HDAC4: variants seen among roughly 807,000 people sequenced by gnomAD.
HDAC4 encodes histone deacetylase 4, also known as histone deacetylase A.
A neutral mutation model predicts 135.1 loss-of-function variants in HDAC4; 16 were observed. The ratio of observed to expected loss-of-function variants is 0.12; its 90% CI spans 0.08 to 0.18. The LOEUF is 0.18. Among genes scored for constraint, HDAC4 ranks in the 10% least tolerant of loss-of-function variants. The pLI, the probability that HDAC4 is intolerant of heterozygous loss-of-function variation, is 1.00. For synonymous variants in HDAC4, 685 were observed against 653.4 expected (o/e 1.05, Z -0.74); for missense variants, 1,143 against 1,511.8 (o/e 0.76, Z 4.05).
intron 22 of HDAC4, among the ~76,000 whole-genome samples, chr2:239,075,980 A>T (rs938562946): frequency 2.1e-5 from 3 of 145,546 alleles, no homozygotes; most frequent in African/African-American, 7.9e-5. Flanking sequence ...GCTTCCTGGG[A>T]AACAGAGCTG....
intron 11 of HDAC4, among the ~76,000 whole-genome samples, chr2:239,132,046 G>A (rs998951131): frequency 3.3e-5 from 5 of 152,184 alleles, no homozygotes; most frequent in Non-Finnish European, 7.3e-5. Context: ...GGCGGGGCTG[G>A]GGGAGGGCCC....
intron 17 of HDAC4, among the ~76,000 whole-genome samples, chr2:239,092,050 G>C (rs534523619): frequency 6.6e-6 from 1 of 151,996 alleles, no homozygotes; most frequent in Non-Finnish European, 1.5e-5. Context: ...CAGCCTGGGC[G>C]ACAGAGCCAG....
At chr2:239,248,837 A>G (rs1036524590) in intron 2 of HDAC4, among the ~76,000 whole-genome samples, 2 of 152,156 alleles carry the variant, frequency 1.3e-5, no homozygotes, top group Non-Finnish European at 2.9e-5. Flanking sequence ...GCCTCTCCAC[A>G]CGGACTCATT....
rs936740055 is a variant in HDAC4, at chr2:239,050,815, T to C, written c.*2282A>G. The C allele has an allele frequency of 1.3e-5, 2 of 152,584 alleles. No individual in the cohort carries two copies. Among genetic ancestry groups the C allele is most frequent in the East Asian group, 3.9e-4 (2 of 5,190 alleles). 9.5% of individuals were successfully genotyped at this position (152,584 alleles called of 1,614,324 possible). On this transcript the variant is annotated 3_prime_UTR_variant, in exon 27 of 27. Coordinates refer to ENST00000543185, the MANE Select transcript of HDAC4 (RefSeq NM_001378414.1). ...ATAAGTTACCAGTAAAACGTGACTG[T>C]CAGTTACTGTTGAAGAGAAAAAGAG...
chr2:239,399,195 A>G (rs1002868397), intron 1 of HDAC4, among the ~76,000 whole-genome samples: 1 of 152,230 alleles, frequency 6.6e-6, no homozygotes, highest in East Asian at 1.9e-4. Context: ...CCTGAAAAAA[A>G]ATTAAATTTC....
chr2:239,393,313 T>C (rs1696355725), intron 1 of HDAC4, among the ~76,000 whole-genome samples: 1 of 152,106 alleles, frequency 6.6e-6, no homozygotes, highest in Admixed American at 6.5e-5. Context: ...AGAGATCAGG[T>C]CCATCACCCA....
chr2:239,085,306 GA>G (rs2035827227), intron 19 of HDAC4, among the ~76,000 whole-genome samples: 1 of 152,150 alleles, frequency 6.6e-6, no homozygotes, highest in African/African-American at 2.4e-5. Context: ...AACAAGCTAT[GA>G]AAGTGATTCA....
At position 239,313,166 on chromosome 2, in the gene HDAC4, C is replaced by T. The variant is rs1309121669; in HGVS notation, c.22+39512G>A. ...GGAAGCTGCAGCCCGTTATCCACCGCCCAGTCTCTCCCTCTCACCAGCACA... is the reference window on the plus strand; with the variant it reads ...GGAAGCTGCAGCCCGTTATCCACCGTCCAGTCTCTCCCTCTCACCAGCACA... On this transcript the variant is annotated intron_variant, in intron 2 of 26. Transcript: ENST00000543185. This position sits in a 1 kb window ranked among gnomAD's most constrained non-coding sequence, Gnocchi z 5.1. Among the ~76,000 whole-genome samples the T allele has an allele frequency of 6.6e-6, 1 of 152,210 alleles. No homozygotes were observed. The highest frequency in any genetic ancestry group is 2.4e-5 in the African/African-American group (1 of 41,450).
chr2:239,384,692 C>T (rs1004399779), intron 1 of HDAC4, among the ~76,000 whole-genome samples: 10 of 152,274 alleles, frequency 6.6e-5, no homozygotes, highest in East Asian at 3.9e-4. Context: ...GGGTCCTAGG[C>T]GGCAACAATG....
intron 3 of HDAC4, among the ~76,000 whole-genome samples, chr2:239,214,181 T>C (rs74000524): frequency 6.6e-6 from 1 of 152,206 alleles, no homozygotes; most frequent in East Asian, 1.9e-4. Context: ...GTGCTTCTTC[T>C]GCAGGCTCCA....
intron 24 of HDAC4, among the ~76,000 whole-genome samples, chr2:239,059,998 T>C (rs534206883): frequency 6.6e-4 from 100 of 152,328 alleles, no homozygotes; most frequent in African/African-American, 2.3e-3. Flanking sequence ...GACCGTGGAC[T>C]GTGCTGGGCA....
intron 1 of HDAC4, among the ~76,000 whole-genome samples, chr2:239,364,903 A>G (rs1694089650): frequency 1.3e-5 from 2 of 152,238 alleles, no homozygotes; most frequent in South Asian, 2.1e-4. Flanking sequence ...CAGAAACGGA[A>G]AAGAATTCTT....
chr2:239,143,897 A>G (rs2041576776), intron 8 of HDAC4, among the ~76,000 whole-genome samples: 5 of 152,234 alleles, frequency 3.3e-5, no homozygotes, highest in Admixed American at 3.3e-4. Flanking sequence ...ATGCCCAAGC[A>G]GCTCCTTTAT....
At position 239,090,020 on chromosome 2, in the gene HDAC4, C is replaced by G; in HGVS notation, c.2377G>C (p.Gly793Arg). 1 of 1,613,352 alleles carries G rather than the reference C, an allele frequency of 6.2e-7. No homozygotes were observed. Among genetic ancestry groups the G allele is most frequent in the Non-Finnish European group, 8.5e-7 (1 of 1,179,484 alleles). Reference protein sequence around the residue: ...VVELVFKVATGELKNGFAVVR... With the variant: ...VVELVFKVATRELKNGFAVVR... ...AGGCCCCGACTGACCTTCAGCTCCCCTGTGGCCACCTTGAAGACCAGCTCT... is the reference window on the plus strand; with the variant it reads ...AGGCCCCGACTGACCTTCAGCTCCCGTGTGGCCACCTTGAAGACCAGCTCT... Residue 793 changes from glycine to arginine, a missense_variant, in exon 18 of 27, where the codon GGG becomes CGG. Physicochemically the swap from Gly to Arg is moderately radical, Grantham distance 125. Around this residue, in one of 9 missense-constraint regions of HDAC4, gnomAD observed 189 missense variants for 317.6 expected, o/e 0.60. Transcript: ENST00000543185.
chr2:239,292,642 C>G (rs2051594719), intron 2 of HDAC4, among the ~76,000 whole-genome samples: 1 of 152,158 alleles, frequency 6.6e-6, no homozygotes, highest in Non-Finnish European at 1.5e-5. Context: ...AGTAATGGGT[C>G]AGGTCAAATA....
At position 239,055,109 on chromosome 2, in the gene HDAC4, T is replaced by C. The variant is rs191536882; in HGVS notation, c.3004-276A>G. 241 of 395,994 alleles carry C rather than the reference T, an allele frequency of 6.1e-4. 1 individual carries two copies. Among genetic ancestry groups the C allele is most frequent in the African/African-American group, 4.9e-3 (238 of 48,592 alleles). 24.5% of individuals were successfully genotyped at this position (395,994 alleles called of 1,614,324 possible). ...AGTCCCCAGGAGTGGGGCTGGCACC[T>C]GCACGTGAACTTGGTATCTGCCATC... On this transcript the variant is annotated intron_variant, in intron 24 of 26. Transcript: ENST00000543185.
At chr2:239,175,594 A>G (rs985028993) in intron 5 of HDAC4, among the ~76,000 whole-genome samples, 5 of 152,202 alleles carry the variant, frequency 3.3e-5, no homozygotes, top group African/African-American at 1.2e-4. Flanking sequence ...GCCCCCACAG[A>G]AGGCAAAATT....
chr2:239,284,475 G>A (rs2051018060), intron 2 of HDAC4, among the ~76,000 whole-genome samples: 1 of 152,216 alleles, frequency 6.6e-6, no homozygotes, highest in Non-Finnish European at 1.5e-5. Context: ...ATGGGGGCAG[G>A]TGCATTGTGG....
chr2:239,311,457 C>T (rs1276463649), intron 2 of HDAC4, among the ~76,000 whole-genome samples: 3 of 152,228 alleles, frequency 2.0e-5, no homozygotes, highest in African/African-American at 7.2e-5. Context: ...ACTCCTGGCA[C>T]TCCTTTCCAA....
Sources: allele counts gnomAD v4.1 joint callset (sites outside exome capture counted in the v4.1 genomes callset), GRCh38; gene constraint gnomAD v4.1.1; regional missense constraint gnomAD v4.1.1; non-coding constraint Gnocchi (gnomAD v3.1); transcripts MANE v1.5; gene names NCBI Gene and HGNC (gene_info 2026-07-23, HGNC 2026-07-21).